DNAJC15: variants seen among roughly 807,000 people sequenced by gnomAD.
DNAJC15 encodes dnaJ homolog subfamily C member 15.
DNAJC15 carries 27 observed loss-of-function variants against 22.4 expected under a neutral mutation model. That is an observed-to-expected ratio of 1.20 (90% CI 0.89 to 1.66). The LOEUF is 1.66. Among genes scored for constraint, DNAJC15 ranks in the 40% most tolerant of loss-of-function variants. DNAJC15 has a pLI of 0.00. For missense variants in DNAJC15, 208 were observed against 187.1 expected (o/e 1.11, Z -0.65); for synonymous variants, 79 against 63.2 (o/e 1.25, Z -1.19).
intron 1 of DNAJC15, among the ~76,000 whole-genome samples, chr13:43,065,206 C>A (rs1288210600): frequency 6.6e-6 from 1 of 152,114 alleles, no homozygotes; most frequent in Non-Finnish European, 1.5e-5. Flanking sequence ...TAGACCTTAA[C>A]TTTTGAATTT....
At chr13:43,101,287 C>A (rs2040767574) in intron 5 of DNAJC15, among the ~76,000 whole-genome samples, 1 of 152,204 alleles carries the variant, frequency 6.6e-6, no homozygotes, top group Non-Finnish European at 1.5e-5. Flanking sequence ...CCCAGCCTCC[C>A]AGAGTGCTGG....
intron 1 of DNAJC15, among the ~76,000 whole-genome samples, chr13:43,033,072 C>CT (rs1297893171): frequency 6.6e-6 from 1 of 152,174 alleles, no homozygotes; most frequent in Non-Finnish European, 1.5e-5. Context: ...CAAGAACTCA[C>CT]TATCACAGGA....
intron 4 of DNAJC15, among the ~76,000 whole-genome samples, chr13:43,083,998 C>G (rs1390391944): frequency 1.3e-5 from 2 of 152,052 alleles, no homozygotes; most frequent in Non-Finnish European, 2.9e-5. Flanking sequence ...TATCACTTAC[C>G]CACAGATCAG....
intron 1 of DNAJC15, among the ~76,000 whole-genome samples, chr13:43,035,951 T>C (rs747233884): frequency 6.6e-6 from 1 of 152,092 alleles, no homozygotes. Flanking sequence ...GGTCTTGAAC[T>C]CCTGGGCTCA....
At chr13:43,103,020 T>C (rs1191265518) in intron 5 of DNAJC15, among the ~76,000 whole-genome samples, 2 of 152,214 alleles carry the variant, frequency 1.3e-5, no homozygotes, top group African/African-American at 2.4e-5. Flanking sequence ...GTTTTCTTTT[T>C]CTTGGAATTT....
intron 1 of DNAJC15, among the ~76,000 whole-genome samples, chr13:43,046,258 A>G (rs1228095926): frequency 2.0e-5 from 3 of 151,806 alleles, no homozygotes; most frequent in Admixed American, 6.6e-5. Context: ...GGTCCAGGAT[A>G]TTTTGAAGCA....
intron 5 of DNAJC15, among the ~76,000 whole-genome samples, chr13:43,096,804 T>A (rs2040741943): frequency 6.6e-6 from 1 of 152,194 alleles, no homozygotes; most frequent in Admixed American, 6.5e-5. Context: ...TGACATGTGA[T>A]TTCTGAACCT....
intron 1 of DNAJC15, among the ~76,000 whole-genome samples, chr13:43,024,431 C>T (rs1199080116): frequency 6.7e-6 from 1 of 149,320 alleles, no homozygotes; most frequent in African/African-American, 2.5e-5. Context: ...GCAAGCTCCG[C>T]CTCCCGGTTT....
chr13:43,066,068 C>T (rs1025718283), intron 2 of DNAJC15, among the ~76,000 whole-genome samples: 1 of 151,764 alleles, frequency 6.6e-6, no homozygotes, highest in Non-Finnish European at 1.5e-5. Flanking sequence ...TGCCTTTATT[C>T]TCCCATATTT....
chr13:43,091,137 T>C (rs1236439635), intron 5 of DNAJC15, among the ~76,000 whole-genome samples: 3 of 152,130 alleles, frequency 2.0e-5, no homozygotes, highest in Admixed American at 1.3e-4. Context: ...TAGGCTGGAG[T>C]GCAGTGGCAC....
chr13:43,101,514 A>T (rs2040769012), intron 5 of DNAJC15, among the ~76,000 whole-genome samples: 1 of 152,110 alleles, frequency 6.6e-6, no homozygotes, highest in Non-Finnish European at 1.5e-5. Context: ...TGCACTCATC[A>T]CCCAAGCAGT....
intron 1 of DNAJC15, among the ~76,000 whole-genome samples, chr13:43,053,139 C>T (rs190596041): frequency 2.6e-5 from 4 of 152,172 alleles, no homozygotes; most frequent in Non-Finnish European, 4.4e-5. Flanking sequence ...GTTATCTCAG[C>T]ACCATTTGTT....
At chr13:43,063,424 C>T (rs1318378410) in intron 1 of DNAJC15, among the ~76,000 whole-genome samples, 3 of 152,188 alleles carry the variant, frequency 2.0e-5, no homozygotes, top group Admixed American at 1.3e-4. Flanking sequence ...AACCCTGTAA[C>T]GTGTCAATAC....
intron 1 of DNAJC15, among the ~76,000 whole-genome samples, chr13:43,062,836 A>G (rs1003392937): frequency 1.3e-5 from 2 of 151,940 alleles, no homozygotes; most frequent in African/African-American, 2.4e-5. Flanking sequence ...CTCCTGCCTC[A>G]GCCCCCTGAG....
At chr13:43,057,205 A>G (rs2040535988) in intron 1 of DNAJC15, among the ~76,000 whole-genome samples, 1 of 152,114 alleles carries the variant, frequency 6.6e-6, no homozygotes, top group African/African-American at 2.4e-5. Flanking sequence ...ACATTTTCTA[A>G]ACTTTTAGAT....
chr13:43,101,037 C>A (rs532573941), intron 5 of DNAJC15, among the ~76,000 whole-genome samples: 3 of 152,244 alleles, frequency 2.0e-5, no homozygotes, highest in Admixed American at 6.5e-5. Flanking sequence ...TTTTTGGTTT[C>A]AAAGTTTACT....
At chr13:43,089,424 CAGGAG>C (rs1374439678) in intron 5 of DNAJC15, among the ~76,000 whole-genome samples, 1 of 152,132 alleles carries the variant, frequency 6.6e-6, no homozygotes, top group Non-Finnish European at 1.5e-5. Flanking sequence ...ATATAAAACA[CAGGAG>C]AGAGGCAACT....
At chr13:43,033,578 G>GA (rs2040413680) in intron 1 of DNAJC15, among the ~76,000 whole-genome samples, 1 of 152,164 alleles carries the variant, frequency 6.6e-6, no homozygotes, top group Non-Finnish European at 1.5e-5. Context: ...TTGTGGCTGT[G>GA]ACAGTTTTTC....
At chr13:43,071,958 A>C (rs945720809) in intron 3 of DNAJC15, among the ~76,000 whole-genome samples, 3 of 151,916 alleles carry the variant, frequency 2.0e-5, no homozygotes, top group African/African-American at 7.3e-5. Flanking sequence ...TTTTGTTCTC[A>C]CTGTTAATTA....
Sources: gnomAD v4.1 joint callset for allele counts (sites outside exome capture counted in the v4.1 genomes callset) on GRCh38, gnomAD v4.1.1 for gene constraint, MANE v1.5 for transcripts, NCBI Gene and HGNC (gene_info 2026-07-23, HGNC 2026-07-21) for gene names.